Variants in AKAP19 observed in about 807,000 individuals in gnomAD.
AKAP19 encodes the protein small A-kinase anchoring protein.
the AKAP19 span, among the ~76,000 whole-genome samples, chr2:190,119,778 T>G: frequency 6.6e-6 from 1 of 151,986 alleles, no homozygotes. Context: ...TGTGACATTC[T>G]GAAAAAAACA....
the AKAP19 span, among the ~76,000 whole-genome samples, chr2:189,994,016 CTT>C: frequency 4.9e-5 from 7 of 141,842 alleles, no homozygotes; most frequent in Admixed American, 7.1e-5. Flanking sequence ...CTGCTCTGAT[CTT>C]TTTTTTTTTT....
At chr2:189,983,621 C>A in the AKAP19 span, among the ~76,000 whole-genome samples, 2 of 152,216 alleles carry the variant, frequency 1.3e-5, no homozygotes, top group African/African-American at 4.8e-5. Context: ...GCTGCACTTG[C>A]ATTTCCTTTG....
chr2:190,182,765 A>C, the AKAP19 span, among the ~76,000 whole-genome samples: 1 of 152,240 alleles, frequency 6.6e-6, no homozygotes, highest in South Asian at 2.1e-4. Context: ...TCAGAAGTTG[A>C]CTAAAAACCT....
the AKAP19 span, among the ~76,000 whole-genome samples, chr2:189,945,107 G>T: frequency 6.6e-6 from 1 of 152,098 alleles, no homozygotes; most frequent in African/African-American, 2.4e-5. Flanking sequence ...TAAGAGGGAA[G>T]TTTATAACAA....
the AKAP19 span, among the ~76,000 whole-genome samples, chr2:189,989,954 A>G: frequency 6.6e-6 from 1 of 152,206 alleles, no homozygotes. Context: ...CTACAAATTC[A>G]ATGCAACCCC....
the AKAP19 span, among the ~76,000 whole-genome samples, chr2:190,045,311 AG>A: frequency 6.6e-6 from 1 of 152,180 alleles, no homozygotes; most frequent in African/African-American, 2.4e-5. Context: ...CAAAGCCCAA[AG>A]GCTGGATCAG....
chr2:189,976,094 C>T, the AKAP19 span, among the ~76,000 whole-genome samples: 1 of 152,092 alleles, frequency 6.6e-6, no homozygotes, highest in Non-Finnish European at 1.5e-5. Context: ...CTGTTTTTTC[C>T]CCATCTTTGT....
At chr2:190,014,296 G>T in the AKAP19 span, among the ~76,000 whole-genome samples, 1 of 152,146 alleles carries the variant, frequency 6.6e-6, no homozygotes, top group Non-Finnish European at 1.5e-5. Flanking sequence ...GGAGACCTCA[G>T]GAAACTTACA....
chr2:190,122,360 A>T, the AKAP19 span, among the ~76,000 whole-genome samples: 2 of 152,192 alleles, frequency 1.3e-5, no homozygotes, highest in African/African-American at 4.8e-5. Flanking sequence ...TGTTAATTTT[A>T]TGTATTTTCT....
chr2:189,917,396 C>G, the AKAP19 span: 1 of 906,632 alleles, frequency 1.1e-6, no homozygotes, highest in Non-Finnish European at 1.8e-6. Context: ...CATGCCAGAT[C>G]TCAAATTCTT....
chr2:190,199,778 ACATGGACAAAT>A, the AKAP19 span: 1 of 1,556,964 alleles, frequency 6.4e-7, no homozygotes, highest in Non-Finnish European at 8.7e-7. Flanking sequence ...GGTCAACATC[ACATGGACAAAT>A]TTCATTGTTT....
the AKAP19 span, among the ~76,000 whole-genome samples, chr2:190,174,442 T>A: frequency 6.6e-6 from 1 of 152,238 alleles, no homozygotes; most frequent in Non-Finnish European, 1.5e-5. Flanking sequence ...TTCTTCAGGA[T>A]AAATATTCTA....
At chr2:189,976,145 G>T in the AKAP19 span, among the ~76,000 whole-genome samples, 1 of 152,172 alleles carries the variant, frequency 6.6e-6, no homozygotes, top group Admixed American at 6.5e-5. Flanking sequence ...GTGACGTACA[G>T]ATGGGGTTTT....
the AKAP19 span, among the ~76,000 whole-genome samples, chr2:189,974,745 T>A: frequency 2.6e-5 from 4 of 152,224 alleles, no homozygotes; most frequent in Non-Finnish European, 4.4e-5. Context: ...TGGTGTTCTT[T>A]GTCTCTTTTG....
the AKAP19 span, among the ~76,000 whole-genome samples, chr2:189,966,510 G>A: frequency 2.6e-5 from 4 of 152,298 alleles, no homozygotes; most frequent in South Asian, 4.1e-4. Context: ...GAACAGATTA[G>A]TGGTCACCAG....
At chr2:189,964,757 C>A in the AKAP19 span, among the ~76,000 whole-genome samples, 1 of 152,166 alleles carries the variant, frequency 6.6e-6, no homozygotes, top group African/African-American at 2.4e-5. Flanking sequence ...TCAACTTTCA[C>A]AGAATTTAAG....
the AKAP19 span, among the ~76,000 whole-genome samples, chr2:190,117,040 A>G: frequency 6.6e-6 from 1 of 152,224 alleles, no homozygotes; most frequent in Non-Finnish European, 1.5e-5. Context: ...TGAATGAGTT[A>G]CTTAATCTCT....
At chr2:190,012,314 A>AGT in the AKAP19 span, among the ~76,000 whole-genome samples, 151,657 of 152,308 alleles carry the variant, frequency 1, 75,510 homozygotes, top group Middle Eastern at 1. Context: ...TTGTACAGAC[A>AGT]GTTTTGCATA....
chr2:189,922,515 C>T, the AKAP19 span, among the ~76,000 whole-genome samples: 13 of 152,284 alleles, frequency 8.5e-5, no homozygotes, highest in Admixed American at 5.2e-4. Context: ...GCAATTATGC[C>T]TACTCACAAA....
Sources: gnomAD v4.1 joint callset for allele counts (sites outside exome capture counted in the v4.1 genomes callset) on GRCh38, gnomAD v4.1.1 for gene constraint, MANE v1.5 for transcripts, NCBI Gene and HGNC (gene_info 2026-07-23, HGNC 2026-07-21) for gene names.